The following ATXN1 variants were observed in gnomAD, a reference collection of about 807,000 sequenced individuals.
ATXN1 encodes ataxin 1, also known as ataxin-1.
A neutral mutation model predicts 56.4 loss-of-function variants in ATXN1; 8 were observed. The observed-to-expected ratio is 0.14, with a 90% confidence interval of 0.08 to 0.26. The LOEUF is 0.26. Among genes scored for constraint, ATXN1 ranks in the 10% least tolerant of loss-of-function variants. The pLI is 1.00. For missense variants in ATXN1, 987 were observed against 1,106.5 expected (o/e 0.89, Z 1.53); for synonymous variants, 514 against 494.6 (o/e 1.04, Z -0.52).
At chr6:16,560,537 G>C (rs987905890) in intron 4 of ATXN1, among the ~76,000 whole-genome samples, 43 of 152,344 alleles carry the variant, frequency 2.8e-4, no homozygotes, top group African/African-American at 9.4e-4. Flanking sequence ...GGGGTGGAGA[G>C]AGAAGACTAG....
chr6:16,661,465 T>C (rs930773589), intron 2 of ATXN1, among the ~76,000 whole-genome samples: 6 of 152,324 alleles, frequency 3.9e-5, no homozygotes, highest in Admixed American at 2.6e-4. Flanking sequence ...TTGGTCTGAT[T>C]GTCAGGAATA....
chr6:16,741,162 AG>A (rs2113509008), intron 2 of ATXN1, among the ~76,000 whole-genome samples: 1 of 152,304 alleles, frequency 6.6e-6, no homozygotes, highest in African/African-American at 2.4e-5. Flanking sequence ...TTTCTCCCCT[AG>A]AAAATGAGGG....
intron 3 of ATXN1, among the ~76,000 whole-genome samples, chr6:16,627,869 A>G (rs1044759320): frequency 2.0e-5 from 3 of 152,220 alleles, no homozygotes; most frequent in Non-Finnish European, 4.4e-5. Flanking sequence ...TCGAAGCAAC[A>G]TGAAGAAGAA....
chr6:16,722,170 G>A (rs1581393986), intron 2 of ATXN1, among the ~76,000 whole-genome samples: 1 of 152,168 alleles, frequency 6.6e-6, no homozygotes, highest in African/African-American at 2.4e-5. Context: ...AGGAGATAAC[G>A]AGTCCAAGCA....
intron 2 of ATXN1, among the ~76,000 whole-genome samples, chr6:16,669,418 C>T (rs954781725): frequency 2.6e-5 from 4 of 152,148 alleles, no homozygotes; most frequent in Admixed American, 6.5e-5. Flanking sequence ...GGGGAAAGGG[C>T]GTGGCGTACA....
intron 2 of ATXN1, among the ~76,000 whole-genome samples, chr6:16,718,902 G>C (rs866651088): frequency 2.7e-4 from 41 of 152,224 alleles, no homozygotes; most frequent in African/African-American, 9.6e-4. Flanking sequence ...TTCATTAAGT[G>C]AAGGTATGTA....
intron 2 of ATXN1, among the ~76,000 whole-genome samples, chr6:16,719,111 A>C (rs562331184): frequency 1.3e-5 from 2 of 152,356 alleles, no homozygotes; most frequent in African/African-American, 4.8e-5. Flanking sequence ...CATCTCCACA[A>C]TATCAACGCA....
At chr6:16,695,726 C>A in intron 2 of ATXN1, among the ~76,000 whole-genome samples, 1 of 152,268 alleles carries the variant, frequency 6.6e-6, no homozygotes, top group South Asian at 2.1e-4. Flanking sequence ...TTATTTTACC[C>A]AATGTCCATT....
At chr6:16,450,656 C>A (rs1465111435) in intron 6 of ATXN1, among the ~76,000 whole-genome samples, 2 of 152,212 alleles carry the variant, frequency 1.3e-5, no homozygotes, top group African/African-American at 4.8e-5. Flanking sequence ...TCCTTAATAT[C>A]TCATAAAAAT....
chr6:16,569,102 C>T (rs1762283755), intron 4 of ATXN1, among the ~76,000 whole-genome samples: 1 of 152,210 alleles, frequency 6.6e-6, no homozygotes, highest in South Asian at 2.1e-4. Context: ...CACCTGGTTT[C>T]TAGCGGCAGT....
chr6:16,486,194 A>G (rs1233454644), intron 5 of ATXN1, 85 bp from the exon 6 acceptor site: 2 of 152,226 alleles, frequency 1.3e-5, no homozygotes. Context: ...CAGTCTCACG[A>G]CCAATTAGAC....
intron 5 of ATXN1, among the ~76,000 whole-genome samples, chr6:16,494,140 AGGC>A: frequency 6.6e-6 from 1 of 151,032 alleles, no homozygotes; most frequent in Non-Finnish European, 1.5e-5. Context: ...CTGGACTGAG[AGGC>A]ATCTCCAGTG....
At chr6:16,346,426 T>C (rs1031552622) in intron 6 of ATXN1, among the ~76,000 whole-genome samples, 1 of 152,166 alleles carries the variant, frequency 6.6e-6, no homozygotes, top group Non-Finnish European at 1.5e-5. Flanking sequence ...CTCTATGCAG[T>C]AATCCTTGGA....
At position 16,303,677 on chromosome 6, in the gene ATXN1, G is replaced by A. The variant is rs1760170896; in HGVS notation, c.*2652C>T. 6.6e-6 allele frequency: 1 copy of A among 152,582 alleles called. No homozygotes were observed. The allele number at this position is 152,582 out of a possible 1,614,324, so 9.5% of individuals were successfully genotyped here. ...TGATGTTCCTATTGCTCCAAACCAT[G>A]TGTGTTTTCCCATCTTAGTGTTGGT... On this transcript the variant is annotated 3_prime_UTR_variant, in exon 8 of 8. Transcript: ENST00000436367. This position sits in a 1 kb window ranked among gnomAD's most constrained non-coding sequence, Gnocchi z 4.3.
chr6:16,711,907 C>T (rs1049276728), intron 2 of ATXN1, among the ~76,000 whole-genome samples: 8 of 152,144 alleles, frequency 5.3e-5, no homozygotes, highest in African/African-American at 7.2e-5. Context: ...ACTGTTGCTA[C>T]CTGCAACAAT....
chr6:16,638,707 C>T (rs1035672916), intron 3 of ATXN1, among the ~76,000 whole-genome samples: 6 of 152,098 alleles, frequency 3.9e-5, no homozygotes, highest in Admixed American at 3.3e-4. Flanking sequence ...GCTGAGTACA[C>T]GTGACTAAAT....
intron 6 of ATXN1, among the ~76,000 whole-genome samples, chr6:16,399,034 G>A (rs1758512463): frequency 6.6e-6 from 1 of 152,180 alleles, no homozygotes; most frequent in African/African-American, 2.4e-5. Context: ...TCCAGCCAGG[G>A]TTAAAACCTT....
intron 4 of ATXN1, among the ~76,000 whole-genome samples, chr6:16,576,238 A>G (rs1762420345): frequency 1.3e-5 from 2 of 152,168 alleles, no homozygotes; most frequent in Non-Finnish European, 1.5e-5. Context: ...AAGTCTCTTT[A>G]CTTAATTCAA....
intron 4 of ATXN1, among the ~76,000 whole-genome samples, chr6:16,548,364 C>A (rs541877062): frequency 6.6e-6 from 1 of 152,176 alleles, no homozygotes; most frequent in Non-Finnish European, 1.5e-5. Flanking sequence ...CTGTACACTA[C>A]TGCAGACTTT....
Sources: allele counts gnomAD v4.1 joint callset (sites outside exome capture counted in the v4.1 genomes callset), GRCh38; gene constraint gnomAD v4.1.1; non-coding constraint Gnocchi (gnomAD v3.1); transcripts MANE v1.5; gene names NCBI Gene and HGNC (gene_info 2026-07-23, HGNC 2026-07-21).